Variants in ST6GAL2 observed in about 807,000 individuals in gnomAD.
ST6GAL2 encodes ST6 beta-galactoside alpha-2,6-sialyltransferase 2.
Under a neutral mutation model 37.5 loss-of-function variants are expected in ST6GAL2, and 24 were observed. The ratio of observed to expected loss-of-function variants is 0.64; its 90% CI spans 0.46 to 0.90. The LOEUF is 0.90. Among genes scored for constraint, ST6GAL2 ranks in the 40% least tolerant of loss-of-function variants. ST6GAL2 has a pLI of 0.00. For synonymous variants in ST6GAL2, 306 were observed against 295.1 expected (o/e 1.04, Z -0.38); for missense variants, 715 against 712.7 (o/e 1.00, Z -0.04).
intron 5 of ST6GAL2, among the ~76,000 whole-genome samples, chr2:106,807,676 T>A (rs1675466721): frequency 6.7e-6 from 1 of 148,510 alleles, no homozygotes; most frequent in Non-Finnish European, 1.5e-5. Flanking sequence ...TTGCTCAAGC[T>A]GGAGTGCAGT....
intron 1 of ST6GAL2, among the ~76,000 whole-genome samples, chr2:106,873,449 T>C (rs1476788001): frequency 6.6e-6 from 1 of 152,250 alleles, no homozygotes; most frequent in Non-Finnish European, 1.5e-5. Flanking sequence ...CTGAGCCCAT[T>C]CGTTCTGGAA....
chr2:106,807,017 GA>G, intron 5 of ST6GAL2, 68 bp from the exon 6 acceptor site: 1 of 1,395,668 alleles, frequency 7.2e-7, no homozygotes, highest in Non-Finnish European at 9.8e-7. Context: ...TTTTTTGGGG[GA>G]GGGGTGGTGG....
At chr2:106,826,771 T>C (rs1440787694) in intron 5 of ST6GAL2, among the ~76,000 whole-genome samples, 1 of 152,164 alleles carries the variant, frequency 6.6e-6, no homozygotes, top group East Asian at 1.9e-4. Flanking sequence ...AGGATGAACA[T>C]ATCAGTAAAG....
At chr2:106,838,929 G>A (rs1676755733) in intron 2 of ST6GAL2, among the ~76,000 whole-genome samples, 4 of 151,962 alleles carry the variant, frequency 2.6e-5, no homozygotes, top group Admixed American at 6.6e-5. Context: ...CCAGCTACTC[G>A]GGAGGCTGAC....
intron 1 of ST6GAL2, among the ~76,000 whole-genome samples, chr2:106,859,979 G>A (rs1479550304): frequency 2.0e-5 from 3 of 151,692 alleles, no homozygotes; most frequent in African/African-American, 7.3e-5. Context: ...CCTCCTACCC[G>A]ACCCCTTGCT....
At chr2:106,856,798 T>A (rs1322124748) in intron 1 of ST6GAL2, among the ~76,000 whole-genome samples, 1 of 152,184 alleles carries the variant, frequency 6.6e-6, no homozygotes, top group Non-Finnish European at 1.5e-5. Context: ...CTCCCAGTGT[T>A]GTTGAAAATA....
In ST6GAL2 at chr2:106,843,788, C is replaced by G. The variant is rs762960856; in HGVS notation, c.190G>C (p.Ala64Pro). 5.6e-6 allele frequency: 9 copies of G among 1,610,440 alleles called. No individual in the cohort carries two copies. The highest frequency in any genetic ancestry group is 2.2e-5 in the East Asian group (1 of 44,774). The change falls in exon 2 of 6, where the codon GCC becomes CCC. Residue 64 changes from alanine to proline, a missense_variant. This residue lies in a region of ST6GAL2 where 512 missense variants were observed against 488.8 expected (regional missense o/e 1.05). Coordinates refer to ENST00000409382, the MANE Select transcript of ST6GAL2 (RefSeq NM_001142351.2). ...CCAGGCGGGGAGGGCTCATGTGCGGCGCCCATGATGGCCCGCTGCTTCCCC... is the reference window on the plus strand; with the variant it reads ...CCAGGCGGGGAGGGCTCATGTGCGGGGCCCATGATGGCCCGCTGCTTCCCC... Reference protein sequence around the residue: ...VQGKQRAIMGAAHEPSPPGGL... With the variant: ...VQGKQRAIMGPAHEPSPPGGL...
At position 106,806,189 on chromosome 2, in the gene ST6GAL2, G is replaced by A. The variant is rs1675409375; in HGVS notation, c.*489C>T. On this transcript the variant is annotated 3_prime_UTR_variant, in exon 6 of 6. Coordinates refer to ENST00000409382, the MANE Select transcript of ST6GAL2 (RefSeq NM_001142351.2). Reference sequence around the variant, plus strand: ...ATTTTTTGCTGTTAAACACATCTGAGTGATAATTTCAATGTCTGTCATAAA... The same window carrying A: ...ATTTTTTGCTGTTAAACACATCTGAATGATAATTTCAATGTCTGTCATAAA... The A allele has an allele frequency of 6.5e-6, 1 of 153,604 alleles. No individual in the cohort carries two copies. Among genetic ancestry groups the A allele is most frequent in the African/African-American group, 2.4e-5 (1 of 41,388 alleles). The allele number at this position is 153,604 out of a possible 1,614,324, so 9.5% of individuals were successfully genotyped here.
At position 106,836,944 on chromosome 2, in the gene ST6GAL2, CA is replaced by C. The variant is rs10700905; in HGVS notation, c.944-2799del. On this transcript the variant is annotated intron_variant, in intron 2 of 5. Coordinates refer to ENST00000409382, the MANE Select transcript of ST6GAL2 (RefSeq NM_001142351.2). ...GAGCAACAGGAGCAAAATTCCATCT[CA>C]AAAAAAAAAAAAAAAAAGAATTGAA... Among the ~76,000 whole-genome samples the C allele has an allele frequency of 8.0e-3, 687 of 85,706 alleles. 4 individuals carry two copies. The highest frequency in any genetic ancestry group is 0.013 in the African/African-American group (251 of 19,078). 56.2% of individuals were successfully genotyped at this position (85,706 alleles called of 152,430 possible).
chr2:106,871,556 G>A (rs962753210), intron 1 of ST6GAL2, among the ~76,000 whole-genome samples: 4 of 152,168 alleles, frequency 2.6e-5, no homozygotes, highest in African/African-American at 7.2e-5. Flanking sequence ...TTGTACAGCT[G>A]TACAAAATAT....
Position 106,802,349 on chromosome 2 carries a change from A to G in ST6GAL2, c.*4329T>C, listed in dbSNP as rs976962723. On this transcript the variant is annotated 3_prime_UTR_variant, in exon 6 of 6. Coordinates refer to ENST00000409382, the MANE Select transcript of ST6GAL2 (RefSeq NM_001142351.2). ...TATGTATATACACAATTATATAACT[A>G]TATCTACATGTACACTTTTCATACT... 6.6e-5 allele frequency: 10 copies of G among 151,144 alleles called. No homozygotes were observed. Among genetic ancestry groups the G allele is most frequent in the Admixed American group, 2.0e-4 (3 of 15,124 alleles). The allele number at this position is 151,144 out of a possible 1,614,324, so 9.4% of individuals were successfully genotyped here.
At chr2:106,810,013 G>A (rs142387309) in intron 5 of ST6GAL2, among the ~76,000 whole-genome samples, 1 of 152,176 alleles carries the variant, frequency 6.6e-6, no homozygotes, top group South Asian at 2.1e-4. Context: ...TAGGTAGCAA[G>A]ACATTCTGCA....
At chr2:106,823,022 T>C (rs1407978022) in intron 5 of ST6GAL2, 1 of 152,234 alleles carries the variant, frequency 6.6e-6, no homozygotes, top group Non-Finnish European at 1.5e-5. Context: ...ATCAGGTGTT[T>C]TTCCAACAAT....
chr2:106,833,297 C>T (rs1184633263), intron 3 of ST6GAL2, among the ~76,000 whole-genome samples: 2 of 152,006 alleles, frequency 1.3e-5, no homozygotes, highest in Non-Finnish European at 2.9e-5. Flanking sequence ...GTGGCATTTA[C>T]CTCCTCCTTT....
chr2:106,830,117 C>T lies in ST6GAL2; in HGVS notation c.1267G>A (p.Glu423Lys). 1 of 1,614,026 alleles carries T rather than the reference C, an allele frequency of 6.2e-7. No homozygotes were observed. The highest frequency in any genetic ancestry group is 8.5e-7 in the Non-Finnish European group (1 of 1,179,994). ...GGTTGAATCTTCTCTTTAGTGTTCT[C>T]CTGGATAATATCCCAGAGCTGCCAT... ...FIWQLWDIIQ[E>K]NTKEKIQPNP... The change falls in exon 5 of 6, where the codon GAG (glutamate) becomes AAG (lysine). Residue 423 changes from glutamate (E) to lysine (K), a missense_variant. By Grantham distance (56) the Glu-to-Lys change is moderately conservative. This residue lies in a region of ST6GAL2 where 198 missense variants were observed against 203.6 expected (regional missense o/e 0.97). Transcript: ENST00000409382.
chr2:106,851,598 C>T (rs1337033911), intron 1 of ST6GAL2, among the ~76,000 whole-genome samples: 5 of 151,846 alleles, frequency 3.3e-5, no homozygotes, highest in Non-Finnish European at 5.9e-5. Context: ...ACCACTTTAA[C>T]GATGTCCCTC....
chr2:106,846,789 G>T (rs1226712276), intron 1 of ST6GAL2, among the ~76,000 whole-genome samples: 4 of 152,202 alleles, frequency 2.6e-5, no homozygotes, highest in Non-Finnish European at 4.4e-5. Flanking sequence ...GAGCGTAGAA[G>T]AATTAATACC....
chr2:106,837,457 G>A (rs1676694389), intron 2 of ST6GAL2, among the ~76,000 whole-genome samples: 1 of 152,204 alleles, frequency 6.6e-6, no homozygotes. Context: ...TACCAGAATA[G>A]TTTTTTCTCA....
In ST6GAL2 at chr2:106,843,164, A is replaced by G; in HGVS notation, c.814T>C (p.Ser272Pro). 1.3e-6 allele frequency: 2 copies of G among 1,560,848 alleles called. No individual in the cohort carries two copies. The highest frequency in any genetic ancestry group is 2.0e-5 in the Admixed American group (1 of 50,836). Residue 272 changes from serine to proline, a missense_variant, in exon 2 of 6, where the codon TCT becomes CCT. Transcript: ENST00000409382. The stretch of plus-strand genomic sequence containing the variant: ...ACCAGGCGCCGCCAGCCCAGCGCAG[A>G]AAAGGGCGCCTCGGTGCCGTCCAGC... The part of the protein sequence containing the change: ...RTLDGTEAPF[S>P]ALGWRRLVPA...
Sources: gnomAD v4.1 joint callset for allele counts (sites outside exome capture counted in the v4.1 genomes callset) on GRCh38, gnomAD v4.1.1 for gene constraint, gnomAD v4.1.1 regional missense constraint, MANE v1.5 for transcripts, NCBI Gene and HGNC (gene_info 2026-07-23, HGNC 2026-07-21) for gene names.